The following RSRC1 variants were observed in gnomAD, a reference collection of about 807,000 sequenced individuals.
RSRC1 encodes arginine and serine rich coiled-coil 1, also known as serine/Arginine-related protein 53.
Under a neutral mutation model 49.1 loss-of-function variants are expected in RSRC1, and 39 were observed. That is an observed-to-expected ratio of 0.79 (90% CI 0.61 to 1.04). The LOEUF (loss-of-function observed/expected upper bound fraction) is 1.04. Ranked by LOEUF, RSRC1 falls within the 50% of genes least tolerant of loss-of-function variation. The probability of loss-of-function intolerance (pLI) is 0.00; values close to 1 mark genes in which losing one functional copy is unlikely to be tolerated. For missense variants in RSRC1, 388 were observed against 402.4 expected (o/e 0.96, Z 0.31); for synonymous variants, 143 against 130.8 (o/e 1.09, Z -0.63).
chr3:158,397,244 A>G (rs539788432), intron 6 of RSRC1, among the ~76,000 whole-genome samples: 8 of 152,350 alleles, frequency 5.3e-5, no homozygotes, highest in African/African-American at 1.9e-4. Flanking sequence ...AGACTAACCA[A>G]TACAAATAAC....
chr3:158,355,930 A>C (rs1157939102), intron 6 of RSRC1, among the ~76,000 whole-genome samples: 2 of 151,810 alleles, frequency 1.3e-5, no homozygotes. Flanking sequence ...TACACACGCT[A>C]TATTTTTTCC....
intron 7 of RSRC1, among the ~76,000 whole-genome samples, chr3:158,465,335 T>C (rs572371068): frequency 6.6e-6 from 1 of 152,272 alleles, no homozygotes; most frequent in East Asian, 1.9e-4. Context: ...CCGTGCTTTG[T>C]AGTTTCTAGC....
chr3:158,424,780 A>G (rs1735306747), intron 6 of RSRC1, among the ~76,000 whole-genome samples: 1 of 152,204 alleles, frequency 6.6e-6, no homozygotes, highest in African/African-American at 2.4e-5. Context: ...CTATTCAGAG[A>G]TTCAACTTCT....
chr3:158,313,647 C>G (rs1376348704), intron 5 of RSRC1, among the ~76,000 whole-genome samples: 1 of 152,140 alleles, frequency 6.6e-6, no homozygotes, highest in East Asian at 1.9e-4. Context: ...TACACAAAAA[C>G]TATCTCATGC....
chr3:158,465,166 C>T (rs78296766), intron 7 of RSRC1, among the ~76,000 whole-genome samples: 2,605 of 152,196 alleles, frequency 0.017, 61 homozygotes, highest in African/African-American at 0.059. Flanking sequence ...GTGTCTATGT[C>T]CTTTTTGCAT....
chr3:158,411,365 C>T (rs1482472780), intron 6 of RSRC1, among the ~76,000 whole-genome samples: 2 of 152,000 alleles, frequency 1.3e-5, no homozygotes, highest in Non-Finnish European at 2.9e-5. Flanking sequence ...ATTTACTAGG[C>T]AATGTCAAAT....
chr3:158,506,817 GGT>G (rs1414745783), intron 7 of RSRC1, among the ~76,000 whole-genome samples: 1 of 149,888 alleles, frequency 6.7e-6, no homozygotes, highest in Non-Finnish European at 1.5e-5. Context: ...GAATCCCACT[GGT>G]GTGTGTGTGT....
At chr3:158,200,633 C>G (rs991093108) in intron 3 of RSRC1, among the ~76,000 whole-genome samples, 2 of 151,826 alleles carry the variant, frequency 1.3e-5, no homozygotes, top group African/African-American at 4.8e-5. Context: ...AATCTATTGA[C>G]TTTTTAGCTA....
chr3:158,188,331 G>A (rs1720043654), intron 3 of RSRC1, among the ~76,000 whole-genome samples: 1 of 151,838 alleles, frequency 6.6e-6, no homozygotes, highest in Non-Finnish European at 1.5e-5. Flanking sequence ...AACATCAAGG[G>A]GATCCTACTT....
At chr3:158,126,744 A>T (rs935151923) in intron 3 of RSRC1, among the ~76,000 whole-genome samples, 3 of 152,024 alleles carry the variant, frequency 2.0e-5, no homozygotes, top group African/African-American at 7.2e-5. Context: ...GACTCCTCTT[A>T]GTATTTCTTG....
Position 158,544,173 on chromosome 3 carries a change from C to T in RSRC1, c.913-10C>T, listed in dbSNP as rs753089329. 2 of 1,592,300 alleles carry T rather than the reference C, an allele frequency of 1.3e-6. No individual in the cohort carries two copies. The highest frequency in any genetic ancestry group is 8.6e-7 in the Non-Finnish European group (1 of 1,164,624). On this transcript the variant is annotated splice_polypyrimidine_tract_variant and intron_variant, in intron 9 of 9. Coordinates refer to ENST00000611884, the MANE Select transcript of RSRC1 (RefSeq NM_001271838.2). ...CAGTAACATTTTTTCTTTTTCTTTT[C>T]TTATTTCAGTTATTTATCGAGAAAG...
chr3:158,366,132 C>T (rs181420225), intron 6 of RSRC1, among the ~76,000 whole-genome samples: 1 of 152,196 alleles, frequency 6.6e-6, no homozygotes, highest in Admixed American at 6.5e-5. Flanking sequence ...TTTTGCTGTG[C>T]AGAAGCTCTT....
chr3:158,130,741 G>T (rs1715962797), intron 3 of RSRC1, among the ~76,000 whole-genome samples: 1 of 152,114 alleles, frequency 6.6e-6, no homozygotes, highest in African/African-American at 2.4e-5. Context: ...TTCAGAGTTT[G>T]GAGTATTTTG....
At chr3:158,470,099 T>G (rs982568730) in intron 7 of RSRC1, among the ~76,000 whole-genome samples, 5 of 152,042 alleles carry the variant, frequency 3.3e-5, no homozygotes, top group Non-Finnish European at 7.4e-5. Flanking sequence ...AAATTACTGA[T>G]TACATGCTAA....
intron 7 of RSRC1, among the ~76,000 whole-genome samples, chr3:158,474,925 G>C (rs995632419): frequency 6.6e-5 from 10 of 152,020 alleles, no homozygotes; most frequent in Admixed American, 3.3e-4. Flanking sequence ...AGGGGAGACG[G>C]GGGTGGTTGA....
chr3:158,499,966 A>G (rs564321755), intron 7 of RSRC1, among the ~76,000 whole-genome samples: 2 of 151,696 alleles, frequency 1.3e-5, no homozygotes, highest in African/African-American at 2.4e-5. Flanking sequence ...AATGCTTTCA[A>G]CTCTTCCCCA....
intron 8 of RSRC1, 91 bp from the exon 9 acceptor site, chr3:158,543,244 T>A: frequency 8.5e-7 from 1 of 1,175,582 alleles, no homozygotes. Flanking sequence ...AGGAGACTAA[T>A]TGAACAGTTG....
intron 6 of RSRC1, among the ~76,000 whole-genome samples, chr3:158,454,386 A>G (rs1267970557): frequency 2.0e-5 from 3 of 152,290 alleles, no homozygotes; most frequent in East Asian, 1.9e-4. Flanking sequence ...ACTAAGGTAC[A>G]TAGTAAACAT....
chr3:158,136,026 C>A (rs185918300), intron 3 of RSRC1, among the ~76,000 whole-genome samples: 1 of 152,304 alleles, frequency 6.6e-6, no homozygotes, highest in Non-Finnish European at 1.5e-5. Context: ...CAGTCTTACT[C>A]ATTTTCAACG....
Sources: gnomAD v4.1 joint callset for allele counts (sites outside exome capture counted in the v4.1 genomes callset) on GRCh38, gnomAD v4.1.1 for gene constraint, MANE v1.5 for transcripts, NCBI Gene and HGNC (gene_info 2026-07-23, HGNC 2026-07-21) for gene names.